Variants in NDST1 observed in about 807,000 individuals in gnomAD.
NDST1 encodes N-deacetylase and N-sulfotransferase 1, also known as bifunctional heparan sulfate N-deacetylase/N-sulfotransferase 1.
NDST1 carries 35 observed loss-of-function variants against 92.8 expected under a neutral mutation model. The ratio of observed to expected loss-of-function variants is 0.38; its 90% CI spans 0.29 to 0.50. The LOEUF is 0.50. Ranked by LOEUF, NDST1 falls within the 20% of genes least tolerant of loss-of-function variation. The pLI is 0.94. For synonymous variants in NDST1, 493 were observed against 500.3 expected, an observed-to-expected ratio of 0.99 and a Z score of 0.19; for missense variants, 822 against 1,182.7, an observed-to-expected ratio of 0.69 and a Z score of 4.47.
intron 2 of NDST1, among the ~76,000 whole-genome samples, chr5:150,524,329 A>G (rs1204466985): frequency 2.0e-5 from 3 of 152,238 alleles, no homozygotes; most frequent in Non-Finnish European, 2.9e-5. Context: ...AGTAAACAGC[A>G]GTGGTAGCAC....
Position 150,521,833 on chromosome 5 carries a change from A to G in NDST1, c.513+66A>G. 6.3e-7 allele frequency: 1 copy of G among 1,594,520 alleles called. No individual in the cohort carries two copies. Among genetic ancestry groups the G allele is most frequent in the African/African-American group, 1.3e-5 (1 of 74,834 alleles). On this transcript the variant is annotated intron_variant, in intron 2 of 14. Coordinates refer to ENST00000261797, the MANE Select transcript of NDST1 (RefSeq NM_001543.5). This position sits in a 1 kb window ranked among gnomAD's most constrained non-coding sequence, Gnocchi z 5.9. ...TCTGCAGCTCAGTGCCTGAATTCTC[A>G]TTTGTGAAATAGGTGTAATGGTAGC...
At chr5:150,511,950 G>A (rs1472229024) in intron 1 of NDST1, among the ~76,000 whole-genome samples, 1 of 150,620 alleles carries the variant, frequency 6.6e-6, no homozygotes, top group Non-Finnish European at 1.5e-5. Flanking sequence ...CTGGGTGGGG[G>A]TGATGATGTG....
At chr5:150,529,895 G>A (rs1331034581) in intron 3 of NDST1, among the ~76,000 whole-genome samples, 1 of 152,222 alleles carries the variant, frequency 6.6e-6, no homozygotes, top group Admixed American at 6.5e-5. Context: ...CCTTGGTCAG[G>A]AGTGAACTTT....
At chr5:150,549,610 G>C in intron 12 of NDST1, 68 bp from the exon 13 acceptor site, 1 of 900,604 alleles carries the variant, frequency 1.1e-6, no homozygotes, top group South Asian at 1.4e-5. Flanking sequence ...CATTCCTGCT[G>C]CCGTGGCTGT....
intron 11 of NDST1, among the ~76,000 whole-genome samples, chr5:150,545,794 A>G (rs947112995): frequency 6.6e-6 from 1 of 152,196 alleles, no homozygotes; most frequent in Non-Finnish European, 1.5e-5. Flanking sequence ...GTGAACAGCA[A>G]TGCAGGATCA....
chr5:150,533,134 C>A, intron 4 of NDST1, 102 bp downstream of exon 4: 1 of 1,167,382 alleles, frequency 8.6e-7, no homozygotes, highest in Admixed American at 1.7e-5. Context: ...GGTTTACTGG[C>A]CCACATTAGA....
chr5:150,535,760 C>T lies in NDST1; in HGVS notation c.1312C>T (p.Pro438Ser). 1.2e-6 allele frequency: 2 copies of T among 1,614,222 alleles called. No individual in the cohort carries two copies. The highest frequency in any genetic ancestry group is 1.7e-6 in the Non-Finnish European group (2 of 1,180,044). ...GGCGCCCCACCACTCGGGCGTGTAC[C>T]CCGTGCACGTGCAGCTGTACGAGGC... Reference protein sequence around the residue: ...AVAPHHSGVYPVHVQLYEAWK... With the variant: ...AVAPHHSGVYSVHVQLYEAWK... Residue 438 changes from proline (P) to serine (S), a missense_variant, in exon 6 of 15, where the codon CCC becomes TCC. Physicochemically the swap from Pro to Ser is moderately conservative, Grantham distance 74. Coordinates refer to ENST00000261797, the MANE Select transcript of NDST1 (RefSeq NM_001543.5).
chr5:150,510,492 G>T (rs1409029547), intron 1 of NDST1, among the ~76,000 whole-genome samples: 2 of 152,226 alleles, frequency 1.3e-5, no homozygotes, highest in Non-Finnish European at 2.9e-5. Context: ...AAGAGCCTCA[G>T]TGGGACTGTC....
intron 3 of NDST1, among the ~76,000 whole-genome samples, chr5:150,530,613 G>A (rs1000770033): frequency 4.0e-5 from 6 of 148,180 alleles, no homozygotes; most frequent in Non-Finnish European, 5.9e-5. Flanking sequence ...ACCCAGGCTG[G>A]AGTGCAGTGG....
At chr5:150,535,940 A>T in intron 6 of NDST1, 55 bp downstream of exon 6, 1 of 1,559,174 alleles carries the variant, frequency 6.4e-7, no homozygotes, top group Non-Finnish European at 8.7e-7. Flanking sequence ...ACAGTCTGTC[A>T]TGTGTGTGCA....
chr5:150,506,267 G>A (rs1192937837), upstream of NDST1, among the ~76,000 whole-genome samples: 11 of 152,106 alleles, frequency 7.2e-5, no homozygotes, highest in African/African-American at 1.2e-4. Flanking sequence ...ACGCCACTAC[G>A]CTGTCTAATT....
intron 1 of NDST1, among the ~76,000 whole-genome samples, chr5:150,499,114 G>A (rs1581323405): frequency 6.6e-6 from 1 of 152,366 alleles, no homozygotes; most frequent in South Asian, 2.1e-4. Flanking sequence ...GAGCTCCACA[G>A]TGTGTTCTCT....
chr5:150,551,048 C>T (rs768424200), intron 13 of NDST1: 12 of 157,204 alleles, frequency 7.6e-5, no homozygotes, highest in Non-Finnish European at 1.4e-4. Flanking sequence ...TGTTCTCCTT[C>T]GCTATTCATG....
intron 1 of NDST1, among the ~76,000 whole-genome samples, chr5:150,501,455 T>C (rs1444141603): frequency 6.6e-6 from 1 of 152,136 alleles, no homozygotes; most frequent in African/African-American, 2.4e-5. Flanking sequence ...CATCCATTGG[T>C]CCAAGCAGTC....
rs559516217 is a variant in NDST1, at chr5:150,511,608, T to G, written c.-388+3382T>G. ...CCCAGGGGCTTACTGCAGGGTAGAC[T>G]GTGCTCTCTGTGGCCCTGCGACTCT... is the stretch of plus-strand genomic sequence containing the variant. On this transcript the variant is annotated intron_variant, in intron 1 of 14. Coordinates refer to ENST00000261797, the MANE Select transcript of NDST1 (RefSeq NM_001543.5). Among the ~76,000 whole-genome samples, 237 of 152,144 alleles carry G rather than the reference T, an allele frequency of 1.6e-3. 2 individuals carry two copies. The highest frequency in any genetic ancestry group is 5.5e-3 in the African/African-American group (227 of 41,506).
chr5:150,551,900 G>A (rs761419549), intron 14 of NDST1, 45 bp downstream of exon 14: 1 of 1,606,894 alleles, frequency 6.2e-7, no homozygotes, highest in Non-Finnish European at 8.5e-7. Flanking sequence ...TAAGGGTAAG[G>A]GGTCCCTGTA....
intron 3 of NDST1, among the ~76,000 whole-genome samples, chr5:150,529,954 G>T (rs1754646780): frequency 6.6e-6 from 1 of 152,202 alleles, no homozygotes; most frequent in Admixed American, 6.5e-5. Context: ...ACATTCGGGA[G>T]CAGGCACTGT....
chr5:150,529,059 A>G (rs1754598224), intron 3 of NDST1, among the ~76,000 whole-genome samples: 2 of 152,138 alleles, frequency 1.3e-5, no homozygotes, highest in Non-Finnish European at 2.9e-5. Context: ...ATTTTAACTG[A>G]GGTGTAAGTA....
rs1009101604 is a variant in NDST1, at chr5:150,500,539, T to C, written c.-388+2300T>C. Among the ~76,000 whole-genome samples the C allele has an allele frequency of 1.1e-4, 17 of 152,134 alleles. No homozygotes were observed. The South Asian group carries it at 3.1e-3, about 28-fold the overall frequency. The stretch of plus-strand genomic sequence containing the variant: ...GGCAGGTGCCAGTGTCTGGGTGGGG[T>C]GAGGGCTGCCAGTCCTGGCCCCACC... On this transcript the variant is annotated intron_variant, in intron 1 of 1. Coordinates refer to the NDST1 transcript ENST00000518299.
Sources: allele counts gnomAD v4.1 joint callset (sites outside exome capture counted in the v4.1 genomes callset), GRCh38; gene constraint gnomAD v4.1.1; non-coding constraint Gnocchi (gnomAD v3.1); transcripts MANE v1.5; gene names NCBI Gene and HGNC (gene_info 2026-07-23, HGNC 2026-07-21).